Variants in ARHGAP15 observed in about 807,000 individuals in gnomAD.
ARHGAP15 encodes Rho GTPase activating protein 15, also known as rho GTPase-activating protein 15.
ARHGAP15 carries 51 observed loss-of-function variants against 63.7 expected under a neutral mutation model. The observed-to-expected ratio is 0.80, with a 90% CI of 0.64 to 1.01. The LOEUF (loss-of-function observed/expected upper bound fraction) is 1.01, where lower values mean the gene tolerates loss of function less well. Among genes scored for constraint, ARHGAP15 ranks in the 50% least tolerant of loss-of-function variants. The probability of loss-of-function intolerance (pLI) is 0.00; values close to 1 mark genes in which losing one functional copy is unlikely to be tolerated. For synonymous variants in ARHGAP15, 191 were observed against 193.8 expected, an observed-to-expected ratio of 0.99 and a Z score of 0.12; for missense variants, 560 against 564.6, an observed-to-expected ratio of 0.99 and a Z score of 0.08.
chr2:143,381,250 T>C (rs1237910454), intron 6 of ARHGAP15, among the ~76,000 whole-genome samples: 1 of 152,168 alleles, frequency 6.6e-6, no homozygotes, highest in Non-Finnish European at 1.5e-5. Context: ...TTCAGATTTA[T>C]ATTCTCCCCA....
chr2:143,293,466 C>G (rs1386494732), intron 6 of ARHGAP15, among the ~76,000 whole-genome samples: 1 of 152,102 alleles, frequency 6.6e-6, no homozygotes, highest in Non-Finnish European at 1.5e-5. Flanking sequence ...CTGCACATCT[C>G]CATTTATATT....
intron 12 of ARHGAP15, among the ~76,000 whole-genome samples, chr2:143,690,079 A>T (rs1683525480): frequency 6.6e-6 from 1 of 152,226 alleles, no homozygotes; most frequent in Admixed American, 6.5e-5. Context: ...TTGATTCTAA[A>T]AATCAGACAC....
intron 9 of ARHGAP15, among the ~76,000 whole-genome samples, chr2:143,494,282 G>A (rs1202097940): frequency 6.6e-6 from 1 of 151,866 alleles, no homozygotes; most frequent in African/African-American, 2.4e-5. Flanking sequence ...TCTCAGTTTT[G>A]TTCCCCAATA....
chr2:143,197,967 T>TACACAC lies in ARHGAP15; in HGVS notation c.166-4145_166-4140dup, dbSNP rs5834941. Among the ~76,000 whole-genome samples, 682 of 148,580 alleles carry TACACAC rather than the reference T, an allele frequency of 4.6e-3. 8 individuals carry two copies. The highest frequency in any genetic ancestry group is 0.01 in the East Asian group (52 of 5,038). On this transcript the variant is annotated intron_variant, in intron 2 of 13. Transcript: ENST00000295095. ...GTTCCCCAAGAATGTAGTGACTGCC[T>TACACAC]ACACACACACACACACACACACACA...
At chr2:143,282,742 G>A (rs184283659) in intron 6 of ARHGAP15, among the ~76,000 whole-genome samples, 36 of 152,272 alleles carry the variant, frequency 2.4e-4, no homozygotes, top group African/African-American at 8.4e-4. Context: ...ATTTCACACA[G>A]CTGATAAATT....
At chr2:143,318,330 C>A (rs113766727) in intron 6 of ARHGAP15, among the ~76,000 whole-genome samples, 6 of 151,890 alleles carry the variant, frequency 4.0e-5, no homozygotes, top group African/African-American at 7.3e-5. Flanking sequence ...ACAGTCAGAA[C>A]GATAAGGGTA....
intron 6 of ARHGAP15, among the ~76,000 whole-genome samples, chr2:143,413,973 T>A (rs866168268): frequency 5.6e-4 from 18 of 32,340 alleles, no homozygotes; most frequent in African/African-American, 2.9e-3. Flanking sequence ...GTGTGCGCGC[T>A]CTCTGGCAGA....
chr2:143,264,224 A>G (rs1680882799), intron 6 of ARHGAP15, among the ~76,000 whole-genome samples: 1 of 152,078 alleles, frequency 6.6e-6, no homozygotes, highest in Non-Finnish European at 1.5e-5. Context: ...TACCCAGGTC[A>G]TCATGAGAAG....
intron 5 of ARHGAP15, chr2:143,237,275 A>G (rs1225687158): frequency 6.6e-6 from 1 of 152,198 alleles, no homozygotes; most frequent in Admixed American, 6.5e-5. Context: ...AAATTTATGC[A>G]AATAGATGTG....
chr2:143,185,743 C>T (rs2105078682), intron 2 of ARHGAP15, among the ~76,000 whole-genome samples: 2 of 152,206 alleles, frequency 1.3e-5, no homozygotes, highest in Middle Eastern at 3.4e-3. Context: ...ACTTCATAAA[C>T]CAGGTAAAAG....
At chr2:143,593,758 C>A (rs762100235) in intron 11 of ARHGAP15, among the ~76,000 whole-genome samples, 1 of 152,092 alleles carries the variant, frequency 6.6e-6, no homozygotes, top group Non-Finnish European at 1.5e-5. Flanking sequence ...TTCTGCAGAG[C>A]CTTATCTTAA....
At chr2:143,269,948 C>A (rs1681188722) in intron 6 of ARHGAP15, among the ~76,000 whole-genome samples, 1 of 151,968 alleles carries the variant, frequency 6.6e-6, no homozygotes, top group Admixed American at 6.6e-5. Context: ...AAAAATATTT[C>A]TCCATTAAAT....
intron 2 of ARHGAP15, among the ~76,000 whole-genome samples, chr2:143,182,826 T>C (rs530904156): frequency 2.0e-5 from 3 of 152,272 alleles, no homozygotes; most frequent in Admixed American, 2.0e-4. Flanking sequence ...ACAGGGCACC[T>C]ACTAAGTAGC....
At chr2:143,761,140 G>C (rs1325928975) in intron 13 of ARHGAP15, among the ~76,000 whole-genome samples, 1 of 152,152 alleles carries the variant, frequency 6.6e-6, no homozygotes, top group Non-Finnish European at 1.5e-5. Flanking sequence ...CAAGCATATG[G>C]TTAGCATAGA....
chr2:143,315,734 A>C (rs1683671724), intron 6 of ARHGAP15, among the ~76,000 whole-genome samples: 2 of 152,300 alleles, frequency 1.3e-5, no homozygotes, highest in Admixed American at 1.3e-4. Context: ...AAAAAATGAC[A>C]AGTCGTGTTA....
At chr2:143,303,120 A>G (rs1399373089) in intron 6 of ARHGAP15, among the ~76,000 whole-genome samples, 1 of 152,116 alleles carries the variant, frequency 6.6e-6, no homozygotes, top group Non-Finnish European at 1.5e-5. Context: ...TTCATGACTA[A>G]AACACCAAAA....
At chr2:143,290,112 A>T (rs913254041) in intron 6 of ARHGAP15, among the ~76,000 whole-genome samples, 1 of 152,146 alleles carries the variant, frequency 6.6e-6, no homozygotes, top group Non-Finnish European at 1.5e-5. Flanking sequence ...GCCAAGCTCA[A>T]AGCAGATAGC....
At chr2:143,451,687 AT>A (rs1289542346) in intron 8 of ARHGAP15, among the ~76,000 whole-genome samples, 1 of 151,962 alleles carries the variant, frequency 6.6e-6, no homozygotes, top group Non-Finnish European at 1.5e-5. Flanking sequence ...TAGATAATAT[AT>A]TTGTTTCATA....
At chr2:143,193,475 TCTG>T in intron 2 of ARHGAP15, 2 of 152,748 alleles carry the variant, frequency 1.3e-5, no homozygotes, top group East Asian at 3.9e-4. Context: ...CAGAACTAAA[TCTG>T]CTTTTTCGGC....
Sources: gnomAD v4.1 joint callset for allele counts (sites outside exome capture counted in the v4.1 genomes callset) on GRCh38, gnomAD v4.1.1 for gene constraint, MANE v1.5 for transcripts, NCBI Gene and HGNC (gene_info 2026-07-23, HGNC 2026-07-21) for gene names.